TPPP: variants seen among roughly 807,000 people sequenced by gnomAD.
The protein encoded by TPPP is tubulin polymerization promoting protein, also known as tubulin polymerization-promoting protein.
TPPP carries 6 observed loss-of-function variants against 15.5 expected under a neutral mutation model. That is an observed-to-expected ratio of 0.39 (90% CI 0.21 to 0.77). TPPP has a LOEUF of 0.77. TPPP is among the 30% of genes least tolerant of loss of function. TPPP has a pLI of 0.42. For synonymous variants in TPPP, 146 were observed against 133.9 expected, an observed-to-expected ratio of 1.09 and a Z score of -0.63; for missense variants, 269 against 307.2, an observed-to-expected ratio of 0.88 and a Z score of 0.93.
chr5:672,445 C>G (rs1372674719), intron 2 of TPPP, among the ~76,000 whole-genome samples: 1 of 152,256 alleles, frequency 6.6e-6, no homozygotes, highest in Non-Finnish European at 1.5e-5. Flanking sequence ...AGCGTGGGTC[C>G]TGGGGGAGGC....
At chr5:693,561 A>G (rs1257452286), upstream of TPPP, among the ~76,000 whole-genome samples, 2 of 151,260 alleles carry the variant, frequency 1.3e-5, no homozygotes, top group Admixed American at 6.6e-5. Flanking sequence ...GACTCTGCTC[A>G]GGCCCCGCGG....
chr5:685,955 C>G (rs952523282), intron 1 of TPPP, among the ~76,000 whole-genome samples: 2 of 152,198 alleles, frequency 1.3e-5, no homozygotes, highest in African/African-American at 4.8e-5. Context: ...CCGGGGCTGC[C>G]AGGGCCACCA....
At chr5:675,514 CCA>C (rs1740399262) in intron 2 of TPPP, among the ~76,000 whole-genome samples, 9 of 116,016 alleles carry the variant, frequency 7.8e-5, no homozygotes, top group South Asian at 2.9e-4. Context: ...TGCAGTGTGA[CCA>C]GGGGTGCAGT....
rs1370943234 is a variant in TPPP, at chr5:662,135, C to G, written c.*2967G>C. 2 of 152,484 alleles carry G rather than the reference C, an allele frequency of 1.3e-5. No individual in the cohort carries two copies. The highest frequency in any genetic ancestry group is 1.3e-4 in the Admixed American group (2 of 15,292). 9.4% of individuals were successfully genotyped at this position (152,484 alleles called of 1,614,324 possible). A position where few individuals can be genotyped will look rare whatever the true frequency, so the allele number is the denominator to read the frequency against. On this transcript the variant is annotated 3_prime_UTR_variant, in exon 4 of 4. Transcript: ENST00000360578. ...AAGGGACCACTTCTGTGAATGAGCT[C>G]ACCTCCAGGGGCCAAGATGGGAGCC...
chr5:679,735 G>A (rs1740570283), intron 1 of TPPP, among the ~76,000 whole-genome samples: 2 of 152,050 alleles, frequency 1.3e-5, no homozygotes, highest in East Asian at 1.9e-4. Flanking sequence ...GTGGGGACGC[G>A]CCTGAACAGA....
At position 677,757 on chromosome 5, in the gene TPPP, T is replaced by C. The variant is rs924093775; in HGVS notation, c.304A>G (p.Lys102Glu). Residue 102 changes from lysine (K) to glutamate (E), a missense_variant, in exon 2 of 4, where the codon AAG (lysine) becomes GAG (glutamate). Coordinates refer to ENST00000360578, the MANE Select transcript of TPPP (RefSeq NM_007030.3). The part of the protein sequence containing the change: ...TVTDVDIVFS[K>E]IKGKSCRTIT... ...TGAGCCCAGCGCACTCACTTGATCT[T>C]GCTGAAGACGATGTCCACGTCAGTG... 6.4e-7 allele frequency: 1 copy of C among 1,564,108 alleles called. No individual in the cohort carries two copies. The highest frequency in any genetic ancestry group is 8.7e-7 in the Non-Finnish European group (1 of 1,152,582).
chr5:692,787 C>G, intron 1 of TPPP: 1 of 951,854 alleles, frequency 1.1e-6, no homozygotes, highest in Non-Finnish European at 1.3e-6. Context: ...TGGGCCGTTT[C>G]TGTGGCCAGG....
chr5:674,390 C>T (rs1740332437), intron 2 of TPPP, among the ~76,000 whole-genome samples: 1 of 152,172 alleles, frequency 6.6e-6, no homozygotes, highest in Admixed American at 6.5e-5. Flanking sequence ...AGGAGCTGCC[C>T]TGCCCTTGCC....
rs1197390106 is a variant in TPPP at position 662,921 on chromosome 5, C to T, written c.*2181G>A. 3 of 143,712 alleles carry T rather than the reference C, an allele frequency of 2.1e-5. No individual in the cohort carries two copies. The highest frequency in any genetic ancestry group is 6.8e-5 in the Admixed American group (1 of 14,734). The allele number at this position is 143,712 out of a possible 1,614,324, so 8.9% of individuals were successfully genotyped here. A position where few individuals can be genotyped will look rare whatever the true frequency, so the allele number is the denominator to read the frequency against. ...GTCTGTGATCGGGCGATTCTGGTGA[C>T]CGCTCGTCTGTGATCGGGTGAGTCC... is the stretch of plus-strand genomic sequence containing the variant. On this transcript the variant is annotated 3_prime_UTR_variant, in exon 4 of 4. Transcript: ENST00000360578.
At chr5:688,354 C>G (rs1431859808) in intron 1 of TPPP, among the ~76,000 whole-genome samples, 1 of 145,194 alleles carries the variant, frequency 6.9e-6, no homozygotes, top group African/African-American at 2.5e-5. Context: ...TGAGCACGAG[C>G]ACCTGGGGCT....
chr5:660,228 T>TATA lies in TPPP; in HGVS notation c.*4873_*4874insTAT, dbSNP rs1554019937. ...ACATATATATATATATATATATATA[T>TATA]AAATTTGTTTCCCTTTCTTGAAAAA... On this transcript the variant is annotated 3_prime_UTR_variant, in exon 4 of 4. Coordinates refer to ENST00000360578, the MANE Select transcript of TPPP (RefSeq NM_007030.3). 1 of 148,034 alleles carries TATA rather than the reference T, an allele frequency of 6.8e-6. No homozygotes were observed. Among genetic ancestry groups the TATA allele is most frequent in the African/African-American group, 2.5e-5 (1 of 40,650 alleles). 9.2% of individuals were successfully genotyped at this position (148,034 alleles called of 1,614,324 possible). A position where few individuals can be genotyped will look rare whatever the true frequency, so the allele number is the denominator to read the frequency against.
chr5:666,422 C>T (rs897264648), intron 2 of TPPP, among the ~76,000 whole-genome samples: 5 of 152,252 alleles, frequency 3.3e-5, no homozygotes, highest in African/African-American at 1.2e-4. Context: ...AGCCCACCTC[C>T]TCCTCCCGGG....
chr5:692,022 GCCTCCCAAC>G (rs1740890985), intron 1 of TPPP, among the ~76,000 whole-genome samples: 1 of 72,230 alleles, frequency 1.4e-5, no homozygotes, highest in Non-Finnish European at 2.5e-5. Flanking sequence ...CAAAACAGCA[GCCTCCCAAC>G]CCCTATCAAA....
chr5:677,538 G>A (rs369937901), intron 2 of TPPP, among the ~76,000 whole-genome samples: 67 of 152,288 alleles, frequency 4.4e-4, no homozygotes, highest in African/African-American at 1.5e-3. Flanking sequence ...CCTCGGCACC[G>A]AGAAGTCCGG....
chr5:682,005 G>T (rs894639881), intron 1 of TPPP, among the ~76,000 whole-genome samples: 6 of 151,818 alleles, frequency 4.0e-5, no homozygotes, highest in Non-Finnish European at 7.4e-5. Context: ...GGCTGTCCCT[G>T]TTCCCAAGAG....
intron 1 of TPPP, among the ~76,000 whole-genome samples, chr5:686,794 TC>T (rs1740778857): frequency 6.9e-6 from 1 of 144,562 alleles, no homozygotes; most frequent in African/African-American, 2.5e-5. Context: ...TGGAACCTAA[TC>T]CCCATTGTGG....
At chr5:685,766 G>T (rs1406702352) in intron 1 of TPPP, among the ~76,000 whole-genome samples, 1 of 152,238 alleles carries the variant, frequency 6.6e-6, no homozygotes, top group African/African-American at 2.4e-5. Context: ...ACGGCCACCA[G>T]AGCCCATCTG....
At chr5:674,016 C>CA (rs1358105241) in intron 2 of TPPP, among the ~76,000 whole-genome samples, 1 of 152,256 alleles carries the variant, frequency 6.6e-6, no homozygotes, top group Non-Finnish European at 1.5e-5. Flanking sequence ...CAGAAGGAAT[C>CA]ACAGCCGGCA....
rs745541895 is a variant in TPPP at position 665,271 on chromosome 5, G to A, written c.491C>T (p.Ser164Leu). The A allele has an allele frequency of 2.9e-5, 46 of 1,613,406 alleles. No homozygotes were observed. The highest frequency in any genetic ancestry group is 3.5e-5 in the Non-Finnish European group (41 of 1,179,850). The change falls in exon 4 of 4, where the codon TCG (serine) becomes TTG (leucine). Residue 164 changes from serine (S) to leucine (L), a missense_variant. Ser to Leu is a moderately radical substitution (Grantham distance 145). Coordinates refer to ENST00000360578, the MANE Select transcript of TPPP (RefSeq NM_007030.3). ...VTKAISSPTV[S>L]RLTDTTKFTG... is the part of the protein sequence containing the mutation. ...GAACTTGGTGGTGTCCGTGAGCCTC[G>A]ACACTGTGGGCGACGAGATGGCTTT...
Sources: gnomAD v4.1 joint callset for allele counts (sites outside exome capture counted in the v4.1 genomes callset) on GRCh38, gnomAD v4.1.1 for gene constraint, MANE v1.5 for transcripts, NCBI Gene and HGNC (gene_info 2026-07-23, HGNC 2026-07-21) for gene names.